Variants in MIGA1 observed in about 807,000 individuals in gnomAD.
The protein encoded by MIGA1 is mitoguardin 1.
MIGA1 carries 58 observed loss-of-function variants against 82.0 expected under a neutral mutation model. The ratio of observed to expected loss-of-function variants is 0.71; its 90% CI spans 0.57 to 0.88. The LOEUF is 0.88. MIGA1 is among the 40% of genes least tolerant of loss of function. MIGA1 has a pLI of 0.00. For missense variants in MIGA1, 751 were observed against 749.1 expected, an observed-to-expected ratio of 1.00 and a Z score of -0.03; for synonymous variants, 249 against 253.6, an observed-to-expected ratio of 0.98 and a Z score of 0.17.
intron 14 of MIGA1, chr1:77,868,102 G>A (rs896847864): frequency 3.9e-5 from 6 of 152,202 alleles, no homozygotes; most frequent in African/African-American, 1.2e-4. Context: ...GGATGAAAGC[G>A]ATGATATCAG....
chr1:77,872,276 CTTTTTTATGAAGCA>C, intron 14 of MIGA1, among the ~76,000 whole-genome samples: 1 of 152,068 alleles, frequency 6.6e-6, no homozygotes, highest in East Asian at 1.9e-4. Context: ...GGCTGGATTG[CTTTTTTATGAAGCA>C]TTTTTATGAG....
intron 7 of MIGA1, among the ~76,000 whole-genome samples, chr1:77,818,738 C>T (rs1683677674): frequency 6.6e-6 from 1 of 152,000 alleles, no homozygotes; most frequent in Non-Finnish European, 1.5e-5. Flanking sequence ...TCGAGACCAG[C>T]CTTGTATAGT....
chr1:77,872,325 G>T (rs1361949479), intron 14 of MIGA1, among the ~76,000 whole-genome samples: 5 of 152,148 alleles, frequency 3.3e-5, no homozygotes, highest in Non-Finnish European at 5.9e-5. Flanking sequence ...TAAGGGCGGG[G>T]TGTGGCAGCT....
intron 5 of MIGA1, among the ~76,000 whole-genome samples, chr1:77,808,148 T>A (rs867816129): frequency 3.4e-4 from 50 of 148,832 alleles, no homozygotes; most frequent in African/African-American, 7.9e-4. Flanking sequence ...TTTTTTTTTT[T>A]ATTATACTCT....
intron 5 of MIGA1, 90 bp downstream of exon 5, chr1:77,807,191 TCA>T: frequency 1.2e-5 from 12 of 1,001,696 alleles, no homozygotes; most frequent in Non-Finnish European, 1.7e-5. Flanking sequence ...AGACAGGGTC[TCA>T]CTCTGTCACC....
intron 1 of MIGA1, among the ~76,000 whole-genome samples, chr1:77,781,967 G>A (rs1258983215): frequency 6.6e-6 from 1 of 151,928 alleles, no homozygotes; most frequent in East Asian, 1.9e-4. Flanking sequence ...GAAATGAAGG[G>A]CCTAAAAAAG....
intron 7 of MIGA1, among the ~76,000 whole-genome samples, chr1:77,830,728 A>G (rs973117017): frequency 3.9e-5 from 6 of 152,164 alleles, no homozygotes; most frequent in Non-Finnish European, 5.9e-5. Context: ...CCCTGTGGCT[A>G]TAGCCTCTCA....
At position 77,859,080 on chromosome 1, in the gene MIGA1, T is replaced by A. The variant is rs572376857; in HGVS notation, c.1115+24T>A. ...AGGTACCATTTCAGTTTTGTTTATG[T>A]TTATGAAGGATATTAAGGTGTTTGT... On this transcript the variant is annotated intron_variant, in intron 9 of 15. Transcript: ENST00000370791. The A allele has an allele frequency of 1.3e-5, 18 of 1,385,552 alleles. No homozygotes were observed. In the South Asian group the frequency reaches 1.5e-4, roughly 12 times the overall value. 85.8% of individuals were successfully genotyped at this position (1,385,552 alleles called of 1,614,324 possible).
At chr1:77,790,206 C>T (rs1682355141) in intron 2 of MIGA1, among the ~76,000 whole-genome samples, 1 of 152,214 alleles carries the variant, frequency 6.6e-6, no homozygotes, top group South Asian at 2.1e-4. Flanking sequence ...TATGTAACCA[C>T]AGCCTCTATC....
intron 8 of MIGA1, among the ~76,000 whole-genome samples, chr1:77,844,749 G>A (rs747328882): frequency 1.2e-4 from 18 of 152,246 alleles, no homozygotes; most frequent in Admixed American, 8.5e-4. Flanking sequence ...AGGCCAAGGC[G>A]GGCCTCCTGA....
intron 9 of MIGA1, 78 bp from the exon 10 acceptor site, chr1:77,859,236 G>A (rs1214657426): frequency 1.6e-6 from 2 of 1,218,506 alleles, no homozygotes; most frequent in South Asian, 1.2e-5. Context: ...CTGAGGTTAA[G>A]CCTTGTTTGA....
chr1:77,815,216 C>G lies in MIGA1; in HGVS notation c.880C>G (p.Leu294Val), dbSNP rs546011717. The G allele has an allele frequency of 1.2e-6, 2 of 1,600,334 alleles. No individual in the cohort carries two copies. Among genetic ancestry groups the G allele is most frequent in the East Asian group, 4.5e-5 (2 of 44,604 alleles). The change falls in exon 7 of 16, where the codon CTT (leucine) becomes GTT (valine). Residue 294 changes from leucine (L) to valine (V), a missense_variant. By Grantham distance (32) the Leu-to-Val change is conservative. This residue lies in a region of MIGA1 where 482 missense variants were observed against 439.4 expected (regional missense o/e 1.10). Coordinates refer to ENST00000370791, the MANE Select transcript of MIGA1 (RefSeq NM_198549.4). ...CCTTGGGGCATCTGATCCTAATTCC[C>G]TTGCTGATGATATTGGTAAGATGGA...
At chr1:77,837,111 A>G (rs937742982) in intron 7 of MIGA1, among the ~76,000 whole-genome samples, 8 of 152,200 alleles carry the variant, frequency 5.3e-5, no homozygotes, top group African/African-American at 1.7e-4. Flanking sequence ...TGAACAACAA[A>G]TGCTCTAACA....
intron 2 of MIGA1, among the ~76,000 whole-genome samples, chr1:77,799,855 C>CA (rs200085217): frequency 0.029 from 4,020 of 139,218 alleles, 69 homozygotes; most frequent in Middle Eastern, 0.11. Flanking sequence ...GTTTTCCTTC[C>CA]AAAAAAAAAA....
chr1:77,869,158 T>G (rs1415443283), intron 14 of MIGA1, among the ~76,000 whole-genome samples: 1 of 147,672 alleles, frequency 6.8e-6, no homozygotes, highest in Non-Finnish European at 1.5e-5. Context: ...ACGAGCATGC[T>G]GCCTTCAAGC....
chr1:77,849,862 C>G (rs975920183), intron 8 of MIGA1, among the ~76,000 whole-genome samples: 9 of 151,798 alleles, frequency 5.9e-5, no homozygotes, highest in African/African-American at 2.2e-4. Flanking sequence ...ATGGTGAAAC[C>G]CAGTCTCTAC....
intron 1 of MIGA1, 138 bp downstream of exon 1, chr1:77,779,874 G>A: frequency 7.0e-7 from 1 of 1,426,748 alleles, no homozygotes; most frequent in Non-Finnish European, 9.1e-7. Flanking sequence ...CGGAGTGCCA[G>A]GTGGAGCGGC....
chr1:77,789,340 C>G (rs776187279), intron 2 of MIGA1, among the ~76,000 whole-genome samples: 10 of 151,524 alleles, frequency 6.6e-5, no homozygotes, highest in Admixed American at 1.3e-4. Flanking sequence ...TCCCAAGTAG[C>G]TTGTACTACA....
At chr1:77,837,746 A>T (rs752074053) in intron 7 of MIGA1, among the ~76,000 whole-genome samples, 2 of 152,210 alleles carry the variant, frequency 1.3e-5, no homozygotes, top group Non-Finnish European at 2.9e-5. Flanking sequence ...ATTCCCACTT[A>T]AAATTCTAAA....
Sources: gnomAD v4.1 joint callset for allele counts (sites outside exome capture counted in the v4.1 genomes callset) on GRCh38, gnomAD v4.1.1 for gene constraint, gnomAD v4.1.1 regional missense constraint, MANE v1.5 for transcripts, NCBI Gene and HGNC (gene_info 2026-07-23, HGNC 2026-07-21) for gene names.